MOGAT1: variants seen among roughly 807,000 people sequenced by gnomAD.
MOGAT1 encodes 2-acylglycerol O-acyltransferase 1.
MOGAT1 carries 32 observed loss-of-function variants against 31.4 expected under a neutral mutation model. The ratio of observed to expected loss-of-function variants is 1.02; its 90% confidence interval spans 0.77 to 1.37. MOGAT1 has a LOEUF of 1.37. MOGAT1 is among the 40% of genes most tolerant of loss of function. The pLI is 0.00. For synonymous variants in MOGAT1, 145 were observed against 144.5 expected, an observed-to-expected ratio of 1.00 and a Z score of -0.03; for missense variants, 426 against 402.0, an observed-to-expected ratio of 1.06 and a Z score of -0.51.
chr2:222,672,933 G>A (rs1163358734), intron 1 of MOGAT1, among the ~76,000 whole-genome samples: 3 of 73,944 alleles, frequency 4.1e-5, no homozygotes, highest in African/African-American at 1.7e-4. Context: ...TTATCTTTGA[G>A]ACGGAGTTTC....
At chr2:222,701,495 T>C (rs879813763) in intron 5 of MOGAT1, among the ~76,000 whole-genome samples, 1 of 84,108 alleles carries the variant, frequency 1.2e-5, no homozygotes. Flanking sequence ...AAAGAGAGAG[T>C]GGGGAGGGAT....
intron 1 of MOGAT1, among the ~76,000 whole-genome samples, chr2:222,686,469 T>C (rs911336443): frequency 3.9e-5 from 6 of 152,214 alleles, no homozygotes; most frequent in African/African-American, 1.2e-4. Context: ...GGCCCACATG[T>C]TTCCTGTCAT....
At chr2:222,681,564 T>C (rs1559228664) in intron 1 of MOGAT1, among the ~76,000 whole-genome samples, 3 of 152,184 alleles carry the variant, frequency 2.0e-5, no homozygotes, top group Non-Finnish European at 4.4e-5. Flanking sequence ...CCCTGGACTT[T>C]ATGGAGCCTT....
chr2:222,696,553 T>C (rs1179461903), intron 5 of MOGAT1, among the ~76,000 whole-genome samples: 1 of 152,242 alleles, frequency 6.6e-6, no homozygotes, highest in Non-Finnish European at 1.5e-5. Flanking sequence ...TGTTGACCAT[T>C]TGTATATCTT....
At chr2:222,672,550 G>T (rs1028359747) in intron 1 of MOGAT1, among the ~76,000 whole-genome samples, 1 of 152,136 alleles carries the variant, frequency 6.6e-6, no homozygotes, top group Non-Finnish European at 1.5e-5. Context: ...AACGTGGGTG[G>T]TTTTTCTTTT....
intron 3 of MOGAT1, 72 bp downstream of exon 3, chr2:222,689,541 G>A (rs1035662047): frequency 1.4e-6 from 2 of 1,391,778 alleles, no homozygotes; most frequent in Non-Finnish European, 2.0e-6. Context: ...TCCCTCCCAG[G>A]CCCATGTGTG....
intron 3 of MOGAT1, among the ~76,000 whole-genome samples, chr2:222,691,199 A>T (rs150048779): frequency 0.15 from 19,020 of 125,878 alleles, 2,016 homozygotes; most frequent in African/African-American, 0.37. Context: ...TTTATTTTTT[A>T]TTTTATTTTA....
chr2:222,674,908 T>C (rs894510931), intron 1 of MOGAT1, among the ~76,000 whole-genome samples: 10 of 152,192 alleles, frequency 6.6e-5, no homozygotes, highest in Non-Finnish European at 1.3e-4. Context: ...CAGGCTCAAG[T>C]GATCCTCCTG....
At chr2:222,692,032 C>G (rs1403039499) in intron 3 of MOGAT1, among the ~76,000 whole-genome samples, 5 of 152,260 alleles carry the variant, frequency 3.3e-5, no homozygotes, top group Admixed American at 6.5e-5. Context: ...AGAGGACTTT[C>G]GATTTTATTT....
chr2:222,705,683 C>A (rs1401499076), intron 5 of MOGAT1, among the ~76,000 whole-genome samples: 1 of 152,164 alleles, frequency 6.6e-6, no homozygotes, highest in Non-Finnish European at 1.5e-5. Context: ...CCATTGTTCT[C>A]ATTTGTAAAA....
chr2:222,679,880 T>A (rs1644939234), intron 1 of MOGAT1, among the ~76,000 whole-genome samples: 1 of 152,198 alleles, frequency 6.6e-6, no homozygotes, highest in African/African-American at 2.4e-5. Context: ...TCTGCCTGAG[T>A]CCGTGTAATA....
intron 5 of MOGAT1, among the ~76,000 whole-genome samples, chr2:222,696,943 GGAA>G (rs1423810457): frequency 1.3e-5 from 2 of 152,144 alleles, no homozygotes; most frequent in East Asian, 3.8e-4. Context: ...GGGAGGCTGT[GGAA>G]GAAGGAGCAC....
chr2:222,679,118 G>T (rs544910753), intron 1 of MOGAT1, among the ~76,000 whole-genome samples: 40 of 152,190 alleles, frequency 2.6e-4, no homozygotes, highest in African/African-American at 9.4e-4. Context: ...TAATCCAATG[G>T]TTCCAGCTCT....
intron 5 of MOGAT1, 74 bp from the exon 6 acceptor site, chr2:222,709,662 C>CCAA (rs1244104646): frequency 1.6e-5 from 22 of 1,373,760 alleles, no homozygotes; most frequent in Middle Eastern, 3.7e-4. Context: ...GTGTTCACAG[C>CCAA]TGTGCATTAG....
At position 222,709,888 on chromosome 2, in the gene MOGAT1, T is replaced by G. The variant is rs2106048443; in HGVS notation, c.1006T>G (p.Ter336GlyextTer13). The change falls in exon 6 of 6, where the codon TGA (stop) becomes GGA (glycine). Residue 336 changes from the stop codon to glycine (G), a stop_lost. Coordinates refer to ENST00000446656, the MANE Select transcript of MOGAT1 (RefSeq NM_058165.3). ...AGAGCACGAGACTCTTGTTTTAAAATGACTTGACTATAAAAAAAAATTAAA... is the reference window on the plus strand; with the variant it reads ...AGAGCACGAGACTCTTGTTTTAAAAGGACTTGACTATAAAAAAAAATTAAA... ...IPEHETLVLK[*>G] 1.9e-6 allele frequency: 3 copies of G among 1,585,388 alleles called. No homozygotes were observed. The South Asian group carries it at 3.5e-5, about 19-fold the overall frequency.
chr2:222,684,838 G>A (rs562398027), intron 1 of MOGAT1, among the ~76,000 whole-genome samples: 1 of 152,188 alleles, frequency 6.6e-6, no homozygotes, highest in Admixed American at 6.5e-5. Flanking sequence ...GCCTCCCAAA[G>A]TGCTGGGATT....
intron 1 of MOGAT1, among the ~76,000 whole-genome samples, chr2:222,678,701 G>C (rs1337262098): frequency 6.6e-6 from 1 of 152,146 alleles, no homozygotes; most frequent in Non-Finnish European, 1.5e-5. Context: ...AGCACTTTGA[G>C]AGGCCGAGGC....
chr2:222,680,609 T>C (rs1056025060), intron 1 of MOGAT1, among the ~76,000 whole-genome samples: 1 of 152,202 alleles, frequency 6.6e-6, no homozygotes, highest in South Asian at 2.1e-4. Context: ...TACATTCTTA[T>C]ATTCTACAGA....
chr2:222,707,846 TTC>T (rs1332751237), intron 5 of MOGAT1, among the ~76,000 whole-genome samples: 1 of 152,192 alleles, frequency 6.6e-6, no homozygotes. Context: ...TATCACTTCC[TTC>T]TCTGTGACTT....
Sources: allele counts gnomAD v4.1 joint callset (sites outside exome capture counted in the v4.1 genomes callset), GRCh38; gene constraint gnomAD v4.1.1; transcripts MANE v1.5; gene names NCBI Gene and HGNC (gene_info 2026-07-23, HGNC 2026-07-21).